GFPT1: variants seen among roughly 807,000 people sequenced by gnomAD.
The protein encoded by GFPT1 is glutamine--fructose-6-phosphate transaminase 1, also known as glutamine--fructose-6-phosphate aminotransferase [isomerizing] 1.
GFPT1 carries 40 observed loss-of-function variants against 92.0 expected under a neutral mutation model. The ratio of observed to expected loss-of-function variants is 0.43; its 90% CI spans 0.34 to 0.57. The LOEUF is 0.57. GFPT1 is among the 20% of genes least tolerant of loss of function. The pLI is 0.02. For missense variants in GFPT1, 448 were observed against 869.1 expected (o/e 0.52, Z 6.09); for synonymous variants, 269 against 280.6 (o/e 0.96, Z 0.41).
intron 13 of GFPT1, among the ~76,000 whole-genome samples, chr2:69,341,417 G>A (rs757262577): frequency 6.6e-6 from 1 of 152,132 alleles, no homozygotes; most frequent in Non-Finnish European, 1.5e-5. Flanking sequence ...TTCACTCACT[G>A]CTTAAATAAA....
chr2:69,368,319 T>C (rs1032316417), intron 3 of GFPT1, among the ~76,000 whole-genome samples: 7 of 151,442 alleles, frequency 4.6e-5, no homozygotes, highest in Admixed American at 2.0e-4. Flanking sequence ...GAAGCAGAGG[T>C]TGCAGTGAAC....
chr2:69,357,534 T>C (rs939470244), intron 6 of GFPT1, among the ~76,000 whole-genome samples: 3 of 152,150 alleles, frequency 2.0e-5, no homozygotes, highest in Admixed American at 2.0e-4. Flanking sequence ...CACTCTGCCT[T>C]GGGGAAAGGG....
chr2:69,363,951 C>G (rs747982598), intron 3 of GFPT1, among the ~76,000 whole-genome samples: 2 of 152,084 alleles, frequency 1.3e-5, no homozygotes, highest in Non-Finnish European at 2.9e-5. Context: ...CCCATCTCTA[C>G]TAAAAATACA....
chr2:69,320,349 A>G lies in GFPT1; in HGVS notation c.*5840T>C, dbSNP rs1322435192. 1.3e-5 allele frequency: 2 copies of G among 152,224 alleles called. No homozygotes were observed. Among genetic ancestry groups the G allele is most frequent in the South Asian group, 4.1e-4 (2 of 4,834 alleles). 9.4% of individuals were successfully genotyped at this position (152,224 alleles called of 1,614,324 possible). A position where few individuals can be genotyped will look rare whatever the true frequency, so the allele number is the denominator to read the frequency against. On this transcript the variant is annotated 3_prime_UTR_variant, in exon 20 of 20. Transcript: ENST00000357308. ...AGATATAATGGATCTGGAATTCTCA[A>G]TGAGTGTTACATGGTTTGGGAATTC... is the stretch of plus-strand genomic sequence containing the variant.
intron 14 of GFPT1, 137 bp from the exon 15 acceptor site, chr2:69,338,192 T>C (rs1670848383): frequency 9.4e-6 from 8 of 853,814 alleles, no homozygotes; most frequent in Non-Finnish European, 1.4e-5. Context: ...ACTTAATAAA[T>C]TTATAAAACT....
intron 1 of GFPT1, among the ~76,000 whole-genome samples, chr2:69,382,726 G>C (rs2104703870): frequency 6.6e-6 from 1 of 152,060 alleles, no homozygotes; most frequent in East Asian, 1.9e-4. Flanking sequence ...TTCACTGACG[G>C]TTAACATATG....
At chr2:69,381,765 G>A (rs1672016265) in intron 1 of GFPT1, among the ~76,000 whole-genome samples, 1 of 151,336 alleles carries the variant, frequency 6.6e-6, no homozygotes, top group African/African-American at 2.4e-5. Flanking sequence ...TGTTGCCCGG[G>A]CTGATCTTGA....
chr2:69,363,448 GA>G (rs965309522), intron 4 of GFPT1, 96 bp downstream of exon 4: 4 of 1,304,184 alleles, frequency 3.1e-6, no homozygotes, highest in Non-Finnish European at 2.2e-6. Flanking sequence ...TTTTCCAGAT[GA>G]AAAATTATTA....
intron 5 of GFPT1, 126 bp downstream of exon 5, chr2:69,359,142 G>C: frequency 1.4e-6 from 1 of 707,824 alleles, no homozygotes; most frequent in Non-Finnish European, 2.6e-6. Context: ...CCGTGCCCTT[G>C]GAATTGTCCA....
intron 13 of GFPT1, among the ~76,000 whole-genome samples, chr2:69,339,395 CA>C (rs1418031452): frequency 6.6e-6 from 1 of 152,136 alleles, no homozygotes; most frequent in African/African-American, 2.4e-5. Flanking sequence ...TGGCATGGGG[CA>C]GGGGGAATGA....
At chr2:69,381,239 T>G (rs1672000842) in intron 1 of GFPT1, among the ~76,000 whole-genome samples, 1 of 152,206 alleles carries the variant, frequency 6.6e-6, no homozygotes, top group Non-Finnish European at 1.5e-5. Context: ...CGCCTCGGCC[T>G]CCCAAAGTGC....
chr2:69,381,316 T>G (rs1043126897), intron 1 of GFPT1, among the ~76,000 whole-genome samples: 2 of 152,078 alleles, frequency 1.3e-5, no homozygotes, highest in African/African-American at 4.8e-5. Flanking sequence ...TTTTTGTTTT[T>G]AAAATATAGA....
At chr2:69,341,604 T>C (rs1224639704) in intron 13 of GFPT1, among the ~76,000 whole-genome samples, 2 of 152,084 alleles carry the variant, frequency 1.3e-5, no homozygotes, top group Non-Finnish European at 2.9e-5. Flanking sequence ...TGGTCTTTTA[T>C]TGGAATAAAA....
chr2:69,386,765 C>T (rs1312904421), intron 1 of GFPT1, among the ~76,000 whole-genome samples: 1 of 152,216 alleles, frequency 6.6e-6, no homozygotes, highest in Admixed American at 6.5e-5. Flanking sequence ...CTCTCTCCTC[C>T]TTTTTCAATA....
rs1178669757 is a variant in GFPT1, at chr2:69,363,661, T to C, written c.233A>G (p.Asp78Gly). 1 of 1,604,560 alleles carries C rather than the reference T, an allele frequency of 6.2e-7. No homozygotes were observed. Among genetic ancestry groups the C allele is most frequent in the South Asian group, 1.1e-5 (1 of 90,932 alleles). ...ATCAAATTCTATATCCAAATCCATATCTTGTTGCTCTGAAGAATATGAAAA... is the reference window on the plus strand; with the variant it reads ...ATCAAATTCTATATCCAAATCCATACCTTGTTGCTCTGAAGAATATGAAAA... ...ALDEEVHKQQ[D>G]MDLDIEFDVH... The change falls in exon 4 of 20, where the codon GAT becomes GGT. Residue 78 changes from aspartate (D) to glycine (G), a missense_variant. This residue lies in a region of GFPT1 where 72 missense variants were observed against 95.1 expected (regional missense o/e 0.76). Transcript: ENST00000357308.
intron 15 of GFPT1, among the ~76,000 whole-genome samples, chr2:69,336,455 G>GT (rs770488044): frequency 3.0e-4 from 45 of 151,948 alleles, no homozygotes; most frequent in Non-Finnish European, 5.1e-4. Flanking sequence ...TTCAAATGCA[G>GT]TTATGTACAC....
At chr2:69,356,427 G>T in intron 7 of GFPT1, 69 bp downstream of exon 7, 1 of 1,048,030 alleles carries the variant, frequency 9.5e-7, no homozygotes, top group Non-Finnish European at 1.5e-6. Flanking sequence ...GTCATGTATA[G>T]TCTACGAAGA....
rs544199260 is a variant in GFPT1 at position 69,378,338 on chromosome 2, A to G, written c.8-4225T>C. 2.0e-5 allele frequency among the ~76,000 whole-genome samples: 3 copies of G among 152,332 alleles called. No individual in the cohort carries two copies. In the East Asian group the frequency reaches 5.8e-4, roughly 29 times the overall value. On this transcript the variant is annotated intron_variant, in intron 1 of 19. Transcript: ENST00000357308. ...CCAATAAACAGTTCTTAAGTAAGGT[A>G]ATGACAAAAGCCTAATATCAACTTT...
intron 8 of GFPT1, 32 bp downstream of exon 8, chr2:69,354,457 C>T (rs1385145432): frequency 5.9e-6 from 8 of 1,364,234 alleles, no homozygotes; most frequent in Non-Finnish European, 7.3e-6. Flanking sequence ...TTCTTCATAT[C>T]TACTGCACTG....
Sources: gnomAD v4.1 joint callset for allele counts (sites outside exome capture counted in the v4.1 genomes callset) on GRCh38, gnomAD v4.1.1 for gene constraint, gnomAD v4.1.1 regional missense constraint, MANE v1.5 for transcripts, NCBI Gene and HGNC (gene_info 2026-07-23, HGNC 2026-07-21) for gene names.